ARHGAP26: variants seen among roughly 807,000 people sequenced by gnomAD.
ARHGAP26 encodes the protein rho GTPase-activating protein 26.
Under a neutral mutation model 104.8 loss-of-function variants are expected in ARHGAP26, and 38 were observed. That is an observed-to-expected ratio of 0.36 (90% CI 0.28 to 0.48). The LOEUF (loss-of-function observed/expected upper bound fraction) is 0.48, where lower values mean the gene tolerates loss of function less well. Among genes scored for constraint, ARHGAP26 ranks in the 20% least tolerant of loss-of-function variants. ARHGAP26 has a pLI of 0.99. For missense variants in ARHGAP26, 704 were observed against 947.9 expected (o/e 0.74, Z 3.38); for synonymous variants, 341 against 340.0 (o/e 1.00, Z -0.03).
At chr5:143,203,845 TCTCA>T (rs1278924887) in intron 20 of ARHGAP26, 1 of 151,988 alleles carries the variant, frequency 6.6e-6, no homozygotes, top group African/African-American at 2.4e-5. Flanking sequence ...CACCGCATGT[TCTCA>T]CTCATAAGTG....
At chr5:143,079,190 T>C (rs77400155) in intron 17 of ARHGAP26, among the ~76,000 whole-genome samples, 3,928 of 152,264 alleles carry the variant, frequency 0.026, 174 homozygotes, top group African/African-American at 0.09. Context: ...TTGGAAATGG[T>C]AGAGGGATGG....
At chr5:142,999,839 C>G (rs1375971488) in intron 11 of ARHGAP26, among the ~76,000 whole-genome samples, 1 of 152,068 alleles carries the variant, frequency 6.6e-6, no homozygotes, top group Non-Finnish European at 1.5e-5. Context: ...AACTGGCAAG[C>G]TGTAGAATAA....
chr5:143,129,598 A>T (rs182945862), intron 18 of ARHGAP26, among the ~76,000 whole-genome samples: 1 of 152,210 alleles, frequency 6.6e-6, no homozygotes, highest in Non-Finnish European at 1.5e-5. Context: ...CTCCTTATCT[A>T]TGTGACCTTG....
intron 5 of ARHGAP26, among the ~76,000 whole-genome samples, chr5:142,890,147 AAAAAATAT>A (rs1328855296): frequency 3.9e-4 from 31 of 78,544 alleles, no homozygotes; most frequent in African/African-American, 1.6e-3. Context: ...AAAAAAAAAA[AAAAAATAT>A]ATATATATAT....
chr5:143,041,703 T>C, intron 13 of ARHGAP26, 113 bp from the exon 14 acceptor site: 1 of 773,390 alleles, frequency 1.3e-6, no homozygotes, highest in Non-Finnish European at 2.1e-6. Flanking sequence ...AGAGCAGCTT[T>C]TAGGAGGACT....
chr5:143,152,122 G>T (rs1458715118), intron 20 of ARHGAP26, among the ~76,000 whole-genome samples: 1 of 152,128 alleles, frequency 6.6e-6, no homozygotes, highest in African/African-American at 2.4e-5. Flanking sequence ...TTTTTTCGCG[G>T]TGAGACTATT....
chr5:142,819,642 T>C (rs1431222850), intron 1 of ARHGAP26, among the ~76,000 whole-genome samples: 1 of 152,198 alleles, frequency 6.6e-6, no homozygotes. Context: ...ATATAGGTGA[T>C]AGGGGAGATG....
At chr5:143,032,834 C>T (rs767846071) in intron 12 of ARHGAP26, among the ~76,000 whole-genome samples, 13 of 152,096 alleles carry the variant, frequency 8.5e-5, no homozygotes, top group Non-Finnish European at 1.9e-4. Flanking sequence ...TGTGTGTGTG[C>T]ATGCATGCAC....
chr5:142,921,670 A>C (rs1763210948), intron 10 of ARHGAP26: 1 of 166,102 alleles, frequency 6.0e-6, no homozygotes, highest in Admixed American at 6.5e-5. Flanking sequence ...TGCATGATGC[A>C]GGTAAAAAAG....
intron 2 of ARHGAP26, 22 bp from the exon 3 acceptor site, chr5:142,875,088 A>G: frequency 6.2e-7 from 1 of 1,611,114 alleles, no homozygotes; most frequent in Non-Finnish European, 8.5e-7. Flanking sequence ...CTTCCACCTC[A>G]TGGCCCCTTT....
At chr5:142,799,401 C>T (rs1248685912) in intron 1 of ARHGAP26, among the ~76,000 whole-genome samples, 4 of 152,072 alleles carry the variant, frequency 2.6e-5, no homozygotes, top group Admixed American at 6.5e-5. Context: ...CTTGTCAAGA[C>T]GAATGTCTTA....
chr5:143,219,981 G>A (rs1810919206), intron 22 of ARHGAP26, among the ~76,000 whole-genome samples: 1 of 152,224 alleles, frequency 6.6e-6, no homozygotes, highest in African/African-American at 2.4e-5. Flanking sequence ...CCAGTTTGGA[G>A]GGCCTCTCTT....
chr5:142,833,021 A>G (rs1047392128), intron 1 of ARHGAP26, among the ~76,000 whole-genome samples: 1 of 152,128 alleles, frequency 6.6e-6, no homozygotes, highest in Non-Finnish European at 1.5e-5. Context: ...GTAGGATGAA[A>G]TACACTCATA....
chr5:142,879,299 A>T lies in ARHGAP26; in HGVS notation c.313-75A>T, dbSNP rs192002097. 2.2e-6 allele frequency: 3 copies of T among 1,374,934 alleles called. No individual in the cohort carries two copies. In the African/African-American group the frequency reaches 4.3e-5, roughly 20 times the overall value. The allele number at this position is 1,374,934 out of a possible 1,614,324, so 85.2% of individuals were successfully genotyped here. On this transcript the variant is annotated intron_variant, in intron 3 of 22. Transcript: ENST00000645722. The stretch of plus-strand genomic sequence containing the variant: ...ATTTTAAGACATGGGGAGGCATCTC[A>T]TGCTGGAGCTGCTGTAATTCTTTAC...
At chr5:143,187,130 T>A (rs1172289613) in intron 20 of ARHGAP26, among the ~76,000 whole-genome samples, 1 of 152,202 alleles carries the variant, frequency 6.6e-6, no homozygotes, top group Non-Finnish European at 1.5e-5. Flanking sequence ...GTAAGTATTA[T>A]TAATGATCCC....
intron 1 of ARHGAP26, among the ~76,000 whole-genome samples, chr5:142,855,913 T>C (rs565156450): frequency 5.0e-4 from 76 of 152,348 alleles, no homozygotes; most frequent in Middle Eastern, 3.4e-3. Context: ...AATACATAGA[T>C]TTTTGAATGA....
chr5:142,830,444 A>G (rs1475819239), intron 1 of ARHGAP26, among the ~76,000 whole-genome samples: 1 of 152,174 alleles, frequency 6.6e-6, no homozygotes, highest in African/African-American at 2.4e-5. Context: ...CGTTTGTGTT[A>G]CATTTCCACA....
chr5:142,959,440 A>G (rs189205885), intron 11 of ARHGAP26, among the ~76,000 whole-genome samples: 1 of 152,200 alleles, frequency 6.6e-6, no homozygotes, highest in Admixed American at 6.5e-5. Context: ...TTTCACCTGG[A>G]CTTGGGGCCC....
chr5:143,163,279 C>T (rs1801492182), intron 20 of ARHGAP26, among the ~76,000 whole-genome samples: 1 of 152,146 alleles, frequency 6.6e-6, no homozygotes, highest in Admixed American at 6.5e-5. Context: ...GGGTCATTTA[C>T]TCAAAAATAT....
Sources: allele counts gnomAD v4.1 joint callset (sites outside exome capture counted in the v4.1 genomes callset), GRCh38; gene constraint gnomAD v4.1.1; transcripts MANE v1.5; gene names NCBI Gene and HGNC (gene_info 2026-07-23, HGNC 2026-07-21).